NPAS3: variants seen among roughly 807,000 people sequenced by gnomAD.
The protein encoded by NPAS3 is neuronal PAS domain-containing protein 3.
Under a neutral mutation model 73.1 loss-of-function variants are expected in NPAS3, and 14 were observed. The ratio of observed to expected loss-of-function variants is 0.19; its 90% confidence interval spans 0.13 to 0.30. The LOEUF is 0.30. NPAS3 is among the 10% of genes least tolerant of loss of function. NPAS3 has a pLI of 1.00. For missense variants in NPAS3, 1,096 were observed against 1,250.0 expected, an observed-to-expected ratio of 0.88 and a Z score of 1.86; for synonymous variants, 620 against 541.5, an observed-to-expected ratio of 1.14 and a Z score of -2.01.
chr14:33,327,069 A>G (rs901406824), intron 3 of NPAS3, among the ~76,000 whole-genome samples: 4 of 152,234 alleles, frequency 2.6e-5, no homozygotes, highest in African/African-American at 9.6e-5. Context: ...AGCTGATAGT[A>G]AATTGATGAC....
chr14:33,199,875 A>G (rs1475142541), intron 2 of NPAS3, among the ~76,000 whole-genome samples: 1 of 152,154 alleles, frequency 6.6e-6, no homozygotes, highest in Non-Finnish European at 1.5e-5. Flanking sequence ...GATCAGCAGC[A>G]GCATAATCAT....
chr14:33,443,757 A>G (rs1466439267), intron 4 of NPAS3, among the ~76,000 whole-genome samples: 1 of 152,210 alleles, frequency 6.6e-6, no homozygotes, highest in Non-Finnish European at 1.5e-5. Context: ...TGGTCCATTT[A>G]CAGGAAGTGG....
At chr14:33,428,643 T>G (rs2048653938) in intron 4 of NPAS3, among the ~76,000 whole-genome samples, 1 of 152,284 alleles carries the variant, frequency 6.6e-6, no homozygotes, top group Admixed American at 6.5e-5. Context: ...AGTGGATGTT[T>G]ACAGGTGTTT....
intron 5 of NPAS3, among the ~76,000 whole-genome samples, chr14:33,619,552 AGGATGTATAT>A (rs2058020981): frequency 6.6e-6 from 1 of 152,248 alleles, no homozygotes; most frequent in Non-Finnish European, 1.5e-5. Context: ...AGTTCAGACA[AGGATGTATAT>A]GAAAGTAAAT....
intron 5 of NPAS3, among the ~76,000 whole-genome samples, chr14:33,651,884 G>T (rs987233548): frequency 1.3e-5 from 2 of 152,100 alleles, no homozygotes; most frequent in African/African-American, 4.8e-5. Flanking sequence ...GTAGCACCCA[G>T]CGTTTCCATT....
At chr14:33,325,958 T>C (rs2043686136) in intron 3 of NPAS3, among the ~76,000 whole-genome samples, 1 of 152,218 alleles carries the variant, frequency 6.6e-6, no homozygotes, top group African/African-American at 2.4e-5. Flanking sequence ...GAAAAGAGTT[T>C]CCTTAAATAA....
chr14:33,077,195 C>T (rs184712797), intron 2 of NPAS3, among the ~76,000 whole-genome samples: 1 of 152,150 alleles, frequency 6.6e-6, no homozygotes, highest in East Asian at 1.9e-4. Context: ...GGAAAGTGGG[C>T]TAGGAAGACC....
intron 2 of NPAS3, among the ~76,000 whole-genome samples, chr14:33,068,810 G>A (rs56345158): frequency 0.062 from 9,363 of 152,148 alleles, 716 homozygotes; most frequent in African/African-American, 0.18. Flanking sequence ...AGGTAGAATG[G>A]ACAACCACTA....
intron 3 of NPAS3, among the ~76,000 whole-genome samples, chr14:33,228,563 G>A (rs1402253676): frequency 6.6e-6 from 1 of 152,000 alleles, no homozygotes; most frequent in Non-Finnish European, 1.5e-5. Flanking sequence ...TGTCATCAGG[G>A]ATCCGAAATG....
At chr14:33,200,257 ATAAT>A (rs2046564085) in intron 2 of NPAS3, among the ~76,000 whole-genome samples, 1 of 151,828 alleles carries the variant, frequency 6.6e-6, no homozygotes, top group Non-Finnish European at 1.5e-5. Context: ...ATATAGACAT[ATAAT>A]TATTTTCCAC....
chr14:33,395,241 AAAT>A (rs1431157199), intron 4 of NPAS3, among the ~76,000 whole-genome samples: 30 of 152,260 alleles, frequency 2.0e-4, no homozygotes, highest in Non-Finnish European at 3.2e-4. Flanking sequence ...AGATACTTTA[AAAT>A]AATATTAGTT....
chr14:33,531,815 T>C (rs1432694547), intron 4 of NPAS3, among the ~76,000 whole-genome samples: 1 of 152,142 alleles, frequency 6.6e-6, no homozygotes, highest in Non-Finnish European at 1.5e-5. Context: ...TATTCTGCAC[T>C]GTTGTCAGCA....
intron 10 of NPAS3, 144 bp from the exon 11 acceptor site, chr14:33,797,313 A>G (rs2063540394): frequency 1.1e-6 from 1 of 878,584 alleles, no homozygotes; most frequent in African/African-American, 1.7e-5. Context: ...AAATCCCATG[A>G]AGAGCTGAGA....
At chr14:33,557,226 G>A (rs1034175585) in intron 4 of NPAS3, among the ~76,000 whole-genome samples, 1 of 152,160 alleles carries the variant, frequency 6.6e-6, no homozygotes, top group Non-Finnish European at 1.5e-5. Flanking sequence ...ACTGCAGAGG[G>A]TTTGGCAGTT....
At chr14:33,005,755 A>G (rs2038979538) in intron 1 of NPAS3, among the ~76,000 whole-genome samples, 1 of 152,218 alleles carries the variant, frequency 6.6e-6, no homozygotes, top group Non-Finnish European at 1.5e-5. Flanking sequence ...CTAAGGATTC[A>G]GATAGCTTTC....
intron 6 of NPAS3, among the ~76,000 whole-genome samples, chr14:33,710,683 G>A (rs1030415718): frequency 6.6e-6 from 1 of 152,154 alleles, no homozygotes; most frequent in Non-Finnish European, 1.5e-5. Context: ...CCCAAGTGAA[G>A]GACTGGCCCC....
intron 5 of NPAS3, among the ~76,000 whole-genome samples, chr14:33,654,054 T>C (rs924499370): frequency 6.6e-6 from 1 of 152,184 alleles, no homozygotes; most frequent in African/African-American, 2.4e-5. Context: ...ATTTTCTACA[T>C]AGTAATGCAT....
chr14:33,614,958 G>A (rs1479474549), intron 5 of NPAS3, among the ~76,000 whole-genome samples: 1 of 152,128 alleles, frequency 6.6e-6, no homozygotes, highest in African/African-American at 2.4e-5. Context: ...CATGAAAGTT[G>A]AGAGAGATGG....
At chr14:33,705,824 T>G (rs950834560) in intron 6 of NPAS3, among the ~76,000 whole-genome samples, 2 of 152,262 alleles carry the variant, frequency 1.3e-5, no homozygotes, top group African/African-American at 4.8e-5. Flanking sequence ...TCTTCTATTT[T>G]CATAAGGAAA....
Sources: gnomAD v4.1 joint callset for allele counts (sites outside exome capture counted in the v4.1 genomes callset) on GRCh38, gnomAD v4.1.1 for gene constraint, MANE v1.5 for transcripts, NCBI Gene and HGNC (gene_info 2026-07-23, HGNC 2026-07-21) for gene names.